The following GPC5 variants were observed in gnomAD, a reference collection of about 807,000 sequenced individuals.
GPC5 encodes glypican 5.
A neutral mutation model predicts 53.9 loss-of-function variants in GPC5; 47 were observed. The observed-to-expected ratio is 0.87, with a 90% CI of 0.69 to 1.11. The LOEUF is 1.11. GPC5 is among the 50% of genes most tolerant of loss of function. The pLI is 0.00. For synonymous variants in GPC5, 286 were observed against 263.3 expected (o/e 1.09, Z -0.84); for missense variants, 748 against 713.1 (o/e 1.05, Z -0.56).
chr13:91,456,083 A>C (rs1345216431), intron 2 of GPC5, among the ~76,000 whole-genome samples: 2 of 152,026 alleles, frequency 1.3e-5, no homozygotes, highest in African/African-American at 2.4e-5. Context: ...TCTCCTCCCC[A>C]GATAGTGAGA....
chr13:92,016,850 G>A (rs2040712174), intron 6 of GPC5, among the ~76,000 whole-genome samples: 1 of 151,470 alleles, frequency 6.6e-6, no homozygotes, highest in Admixed American at 6.6e-5. Flanking sequence ...CTTCAGCCGA[G>A]TCTCCACTAA....
chr13:92,119,715 C>T (rs2041633169), intron 6 of GPC5, among the ~76,000 whole-genome samples: 3 of 151,606 alleles, frequency 2.0e-5, no homozygotes, highest in South Asian at 2.1e-4. Context: ...AAAACTAGCT[C>T]TTTGTTACTA....
chr13:92,030,973 TAGCTG>T (rs2040836478), intron 6 of GPC5, among the ~76,000 whole-genome samples: 1 of 152,226 alleles, frequency 6.6e-6, no homozygotes. Flanking sequence ...ACCCTGTTTT[TAGCTG>T]AGCTAAGAAC....
chr13:92,450,969 C>T (rs1878038173), intron 7 of GPC5, among the ~76,000 whole-genome samples: 1 of 152,060 alleles, frequency 6.6e-6, no homozygotes, highest in Non-Finnish European at 1.5e-5. Flanking sequence ...CAGAGGAAGT[C>T]CTCAGTAAAG....
intron 2 of GPC5, among the ~76,000 whole-genome samples, chr13:91,636,619 C>A (rs981665957): frequency 1.3e-5 from 2 of 152,048 alleles, no homozygotes; most frequent in Admixed American, 6.6e-5. Flanking sequence ...AAGTACATCT[C>A]CCAGTGGCAT....
At chr13:92,785,523 A>G (rs1406074591) in intron 7 of GPC5, among the ~76,000 whole-genome samples, 2 of 152,210 alleles carry the variant, frequency 1.3e-5, no homozygotes, top group Non-Finnish European at 2.9e-5. Flanking sequence ...TGCAGCATCA[A>G]TGCAATTGAG....
In GPC5 at chr13:92,230,296, G is replaced by T. The variant is rs570972057; in HGVS notation, c.1561+85307G>T. Among the ~76,000 whole-genome samples the T allele has an allele frequency of 1.8e-4, 27 of 152,246 alleles. No homozygotes were observed. In the South Asian group the frequency reaches 4.8e-3, roughly 27 times the overall value. ...TAATAGTAAGTTGTATATCTTCAGT[G>T]TTGTGCTAGAACTACGATGCAATCT... On this transcript the variant is annotated intron_variant, in intron 7 of 7. Transcript: ENST00000377067.
At chr13:92,290,873 C>T (rs1012111975) in intron 7 of GPC5, among the ~76,000 whole-genome samples, 10 of 152,088 alleles carry the variant, frequency 6.6e-5, no homozygotes, top group African/African-American at 1.7e-4. Context: ...CCTTAGCTTG[C>T]GGGGAGGTGT....
intron 6 of GPC5, among the ~76,000 whole-genome samples, chr13:91,943,801 GTTAAA>G (rs1566355201): frequency 3.3e-5 from 5 of 151,874 alleles, no homozygotes; most frequent in African/African-American, 1.2e-4. Flanking sequence ...ATGTAACATT[GTTAAA>G]TCATGGAAAA....
At chr13:92,196,391 ATATAT>A (rs1217963921) in intron 7 of GPC5, among the ~76,000 whole-genome samples, 5 of 152,166 alleles carry the variant, frequency 3.3e-5, no homozygotes, top group Admixed American at 6.5e-5. Context: ...CACTTAATAC[ATATAT>A]TTAATATCTA....
chr13:91,771,118 TG>T (rs2037616750), intron 5 of GPC5, among the ~76,000 whole-genome samples: 3 of 152,082 alleles, frequency 2.0e-5, no homozygotes, highest in Non-Finnish European at 2.9e-5. Context: ...CTTCCTCAAA[TG>T]AATTAGGAAA....
intron 5 of GPC5, among the ~76,000 whole-genome samples, chr13:91,840,252 G>A (rs1048939141): frequency 6.6e-6 from 1 of 151,846 alleles, no homozygotes; most frequent in African/African-American, 2.4e-5. Flanking sequence ...GAAGTTTTGA[G>A]ATCCGGCACT....
intron 2 of GPC5, among the ~76,000 whole-genome samples, chr13:91,569,441 C>T (rs957974083): frequency 6.6e-5 from 10 of 152,110 alleles, no homozygotes; most frequent in African/African-American, 2.4e-4. Flanking sequence ...ATATACTCTA[C>T]ATCAGTTTCT....
At chr13:92,222,123 T>C (rs938979768) in intron 7 of GPC5, among the ~76,000 whole-genome samples, 1 of 152,132 alleles carries the variant, frequency 6.6e-6, no homozygotes, top group African/African-American at 2.4e-5. Flanking sequence ...AAAGTAGTTA[T>C]CTTCCTGCGG....
chr13:92,257,779 T>G (rs866365265), intron 7 of GPC5, among the ~76,000 whole-genome samples: 8 of 151,786 alleles, frequency 5.3e-5, no homozygotes, highest in African/African-American at 1.9e-4. Flanking sequence ...CTGGATCTCC[T>G]GACCTCGTGA....
At chr13:92,739,543 T>C (rs1254196819) in intron 7 of GPC5, among the ~76,000 whole-genome samples, 1 of 152,042 alleles carries the variant, frequency 6.6e-6, no homozygotes, top group African/African-American at 2.4e-5. Context: ...AGCTCTGGTT[T>C]CTGTGTTTCT....
At chr13:92,581,522 A>G (rs887286378) in intron 7 of GPC5, among the ~76,000 whole-genome samples, 1 of 152,172 alleles carries the variant, frequency 6.6e-6, no homozygotes, top group Non-Finnish European at 1.5e-5. Context: ...TAGTGCTGCA[A>G]TGAACAGGAC....
At chr13:92,258,519 C>T (rs563830364) in intron 7 of GPC5, among the ~76,000 whole-genome samples, 2 of 152,118 alleles carry the variant, frequency 1.3e-5, no homozygotes, top group Admixed American at 1.3e-4. Flanking sequence ...AAGAGTAAAT[C>T]AGAAGAGTTT....
intron 2 of GPC5, among the ~76,000 whole-genome samples, chr13:91,540,451 C>A (rs2029876265): frequency 1.3e-5 from 2 of 152,148 alleles, no homozygotes; most frequent in Admixed American, 6.5e-5. Flanking sequence ...TTTGAATAGG[C>A]CCAGTGGGGC....
Sources: gnomAD v4.1 joint callset for allele counts (sites outside exome capture counted in the v4.1 genomes callset) on GRCh38, gnomAD v4.1.1 for gene constraint, MANE v1.5 for transcripts, NCBI Gene and HGNC (gene_info 2026-07-23, HGNC 2026-07-21) for gene names.